The following MEGF11 variants were observed in gnomAD, a reference collection of about 807,000 sequenced individuals.
MEGF11 encodes the protein multiple epidermal growth factor-like domains protein 11.
Under a neutral mutation model 146.6 loss-of-function variants are expected in MEGF11, and 126 were observed. The observed-to-expected ratio is 0.86, with a 90% confidence interval of 0.74 to 1.00. MEGF11 has a LOEUF of 1.00. MEGF11 is among the 50% of genes least tolerant of loss of function. The probability of loss-of-function intolerance (pLI) is 0.00; values close to 1 mark genes in which losing one functional copy is unlikely to be tolerated. For synonymous variants in MEGF11, 532 were observed against 583.4 expected (o/e 0.91, Z 1.27); for missense variants, 1,509 against 1,521.2 (o/e 0.99, Z 0.13).
At chr15:65,930,306 A>G (rs1001933526) in intron 11 of MEGF11, among the ~76,000 whole-genome samples, 1 of 152,140 alleles carries the variant, frequency 6.6e-6, no homozygotes. Flanking sequence ...TGACCCCTGC[A>G]GGCTGCACAT....
At chr15:66,130,622 A>C (rs1420677464) in intron 1 of MEGF11, among the ~76,000 whole-genome samples, 1 of 149,146 alleles carries the variant, frequency 6.7e-6, no homozygotes, top group Non-Finnish European at 1.5e-5. Flanking sequence ...AAGGAAAGGA[A>C]AGAAAGAAGA....
At chr15:65,974,731 G>A (rs980365290) in intron 7 of MEGF11, among the ~76,000 whole-genome samples, 2 of 152,170 alleles carry the variant, frequency 1.3e-5, no homozygotes, top group Non-Finnish European at 2.9e-5. Flanking sequence ...CATGGCGGGG[G>A]CCTCTCTCAG....
intron 1 of MEGF11, among the ~76,000 whole-genome samples, chr15:66,203,227 T>C (rs374744841): frequency 5.9e-5 from 9 of 152,246 alleles, no homozygotes; most frequent in African/African-American, 2.2e-4. Context: ...GAGACCTTCA[T>C]GGAGGTCGGA....
At chr15:65,959,457 A>G (rs142295335) in intron 9 of MEGF11, among the ~76,000 whole-genome samples, 243 of 152,330 alleles carry the variant, frequency 1.6e-3, no homozygotes, top group African/African-American at 5.4e-3. Context: ...ATTGGACACC[A>G]CTTTTCCTCC....
At chr15:66,247,022 G>A (rs2092304746) in intron 1 of MEGF11, among the ~76,000 whole-genome samples, 2 of 152,134 alleles carry the variant, frequency 1.3e-5, no homozygotes, top group Non-Finnish European at 2.9e-5. Context: ...TTTTTATCTT[G>A]GCCAAATGGT....
intron 4 of MEGF11, among the ~76,000 whole-genome samples, chr15:66,108,805 A>G (rs970341634): frequency 3.3e-5 from 5 of 152,172 alleles, no homozygotes; most frequent in Admixed American, 6.5e-5. Context: ...AATTCAGAAG[A>G]TCAAAAGGGG....
At chr15:65,929,622 G>GTGC in intron 12 of MEGF11, 98 bp downstream of exon 12, 1 of 1,379,636 alleles carries the variant, frequency 7.2e-7, no homozygotes, top group Non-Finnish European at 9.8e-7. Context: ...ACCTAGCTTA[G>GTGC]TGCTGTTCTC....
chr15:65,957,416 A>G (rs999282816), intron 10 of MEGF11, 131 bp downstream of exon 10: 15 of 847,550 alleles, frequency 1.8e-5, no homozygotes, highest in Non-Finnish European at 7.3e-6. Flanking sequence ...CTCTCCCCTC[A>G]TGAAGTCTGT....
chr15:66,079,520 T>C (rs897185349), intron 5 of MEGF11, among the ~76,000 whole-genome samples: 2 of 140,168 alleles, frequency 1.4e-5, no homozygotes, highest in Non-Finnish European at 3.1e-5. Context: ...AACCTCCACC[T>C]GGGAACCTTC....
chr15:66,140,002 C>A (rs1007874658), intron 1 of MEGF11, among the ~76,000 whole-genome samples: 1 of 152,152 alleles, frequency 6.6e-6, no homozygotes, highest in African/African-American at 2.4e-5. Context: ...CCAAAACAGC[C>A]GATCACACTC....
At chr15:66,175,728 A>G (rs1400454534) in intron 1 of MEGF11, among the ~76,000 whole-genome samples, 1 of 152,222 alleles carries the variant, frequency 6.6e-6, no homozygotes, top group African/African-American at 2.4e-5. Context: ...CTAGAAGAAA[A>G]CATAGGGGAA....
rs1407963269 is a variant in MEGF11 at position 66,091,730 on chromosome 15, A to T, written c.394+2672T>A. On this transcript the variant is annotated intron_variant, in intron 5 of 25. Transcript: ENST00000395614. ...TCAATATATAGTAGCTATCTCCACT[A>T]TCATTTTTCCATACTGGTCACACCA... Among the ~76,000 whole-genome samples, 3 of 152,260 alleles carry T rather than the reference A, an allele frequency of 2.0e-5. No individual in the cohort carries two copies. In the South Asian group the frequency reaches 6.2e-4, roughly 32 times the overall value.
intron 1 of MEGF11, among the ~76,000 whole-genome samples, chr15:66,230,803 C>T (rs1029494236): frequency 3.3e-5 from 5 of 152,190 alleles, no homozygotes; most frequent in Admixed American, 6.5e-5. Flanking sequence ...TAAAAACCCA[C>T]TCTAGTATGT....
chr15:65,978,785 C>CAG (rs2081536152), intron 7 of MEGF11, among the ~76,000 whole-genome samples: 1 of 150,696 alleles, frequency 6.6e-6, no homozygotes, highest in African/African-American at 2.4e-5. Context: ...TCAGAGGAGA[C>CAG]AGACAGATGG....
At position 65,900,536 on chromosome 15, in the gene MEGF11, C is replaced by G. The variant is rs147099552; in HGVS notation, c.3056-1602G>C. ...TTTCAGCAGATAGTATTTCCTCAAT[C>G]TTGTACAAAAATATGTTCAGCCATT... On this transcript the variant is annotated intron_variant, in intron 24 of 25. Coordinates refer to ENST00000395614, the MANE Select transcript of MEGF11 (RefSeq NM_001385028.1). Among the ~76,000 whole-genome samples the G allele has an allele frequency of 3.5e-3, 527 of 152,324 alleles. 2 individuals are homozygous for G. Among genetic ancestry groups the G allele is most frequent in the African/African-American group, 0.012 (510 of 41,566 alleles).
At chr15:66,196,593 T>A (rs2091015295) in intron 1 of MEGF11, among the ~76,000 whole-genome samples, 1 of 152,208 alleles carries the variant, frequency 6.6e-6, no homozygotes, top group Non-Finnish European at 1.5e-5. Context: ...TTTAGAAAGG[T>A]CACTCTACCT....
intron 10 of MEGF11, among the ~76,000 whole-genome samples, chr15:65,943,968 T>G (rs2080099423): frequency 6.6e-6 from 1 of 151,994 alleles, no homozygotes; most frequent in South Asian, 2.1e-4. Context: ...GTGTCCTAGG[T>G]GGGAGCCAGA....
At chr15:66,101,160 A>G (rs2086791110) in intron 4 of MEGF11, among the ~76,000 whole-genome samples, 1 of 152,010 alleles carries the variant, frequency 6.6e-6, no homozygotes, top group African/African-American at 2.4e-5. Context: ...CACTTCTTCC[A>G]CATGTCAGGG....
At chr15:65,970,796 G>A in intron 7 of MEGF11, 107 bp from the exon 8 acceptor site, 1 of 1,336,716 alleles carries the variant, frequency 7.5e-7, no homozygotes, top group Non-Finnish European at 1.0e-6. Context: ...CTTCCCAGAA[G>A]AAGTTCAGAC....
Sources: allele counts gnomAD v4.1 joint callset (sites outside exome capture counted in the v4.1 genomes callset), GRCh38; gene constraint gnomAD v4.1.1; transcripts MANE v1.5; gene names NCBI Gene and HGNC (gene_info 2026-07-23, HGNC 2026-07-21).